ZNF584: variants seen among roughly 807,000 people sequenced by gnomAD.
ZNF584 encodes zinc finger protein 584.
A neutral mutation model predicts 14.7 loss-of-function variants in ZNF584; 12 were observed. That is an observed-to-expected ratio of 0.82 (90% CI 0.52 to 1.32). ZNF584 has a LOEUF of 1.32. Ranked by LOEUF, ZNF584 falls within the 40% of genes most tolerant of loss-of-function variation. The pLI, the probability that ZNF584 is intolerant of heterozygous loss-of-function variation, is 0.00. For synonymous variants in ZNF584, 204 were observed against 190.9 expected (o/e 1.07, Z -0.57); for missense variants, 478 against 518.8 (o/e 0.92, Z 0.76).
chr19:58,417,532 T>G lies in ZNF584; in HGVS notation c.1014T>G (p.Arg338=). ...AATGTGGGAAAGGCTACGTGACCCG[T>G]TCAGGCCTCTATCAGCACTGGAAAG... The part of the protein sequence containing the change: ...CKQCGKGYVT[R]SGLYQHWKVH... Residue 338 remains arginine (R), a synonymous_variant, in exon 4 of 4, where the codon CGT becomes CGG. Transcript: ENST00000306910. The G allele has an allele frequency of 6.2e-7, 1 of 1,614,184 alleles. No homozygotes were observed.
Position 58,409,165 on chromosome 19 carries a change from G to T in ZNF584, c.18G>T (p.Glu6Asp). The T allele has an allele frequency of 7.0e-7, 1 of 1,438,048 alleles. No individual in the cohort carries two copies. Among genetic ancestry groups the T allele is most frequent in the Non-Finnish European group, 9.2e-7 (1 of 1,088,032 alleles). 89.1% of individuals were successfully genotyped at this position (1,438,048 alleles called of 1,614,324 possible). MAGEAEAQLDPSLQGL... is the reference protein window; with the variant it reads MAGEADAQLDPSLQGL... ...ACGGTCCAATGGCCGGGGAGGCGGA[G>T]GTGAGCAGAGGATGCCTCCGAGGAA... is the stretch of plus-strand genomic sequence containing the variant. Residue 6 changes from glutamate to aspartate, a missense_variant and splice_region_variant, in exon 1 of 4, where the codon GAG becomes GAT. Physicochemically the swap from Glu to Asp is conservative, Grantham distance 45. This residue lies in a region of ZNF584 where 189 missense variants were observed against 177.9 expected (regional missense o/e 1.06). Coordinates refer to ENST00000306910, the MANE Select transcript of ZNF584 (RefSeq NM_173548.3).
chr19:58,415,815 T>G lies in ZNF584; in HGVS notation c.292+169T>G, dbSNP rs1210126270. 2.5e-6 allele frequency: 4 copies of G among 1,604,556 alleles called. No homozygotes were observed. In the East Asian group the frequency reaches 8.9e-5, roughly 36 times the overall value. On this transcript the variant is annotated intron_variant, in intron 3 of 3. Coordinates refer to ENST00000306910, the MANE Select transcript of ZNF584 (RefSeq NM_173548.3). ...CAGTCTGCCATCTCTACCATGATTT[T>G]CAGGCCCCGCATGTTCCTGCCTCTC...
chr19:58,411,988 T>G (rs1018185399), intron 2 of ZNF584, among the ~76,000 whole-genome samples: 3 of 145,016 alleles, frequency 2.1e-5, no homozygotes, highest in Non-Finnish European at 4.5e-5. Flanking sequence ...TTTTTTTTTT[T>G]TTTTTTTTTT....
At chr19:58,401,601 G>A (rs2052431280) in exon 1 of ZNF584, 1 of 152,212 alleles carries the variant, frequency 6.6e-6, no homozygotes. Context: ...AGGAAAGGCT[G>A]CGGCGCGCAG....
intron 3 of ZNF584, 76 bp from the exon 4 acceptor site, chr19:58,416,735 G>C: frequency 6.7e-7 from 1 of 1,498,094 alleles, no homozygotes. Context: ...TTCTGGGTGT[G>C]TCTGACATGC....
At chr19:58,409,851 T>A in intron 1 of ZNF584, 90 bp from the exon 2 acceptor site, 1 of 1,498,348 alleles carries the variant, frequency 6.7e-7, no homozygotes. Flanking sequence ...GGGGGAGATG[T>A]GATAGGACCC....
chr19:58,408,363 T>A, upstream of ZNF584: 1 of 152,262 alleles, frequency 6.6e-6, no homozygotes, highest in Non-Finnish European at 1.5e-5. Context: ...CTAGGACGCG[T>A]ACAGGTCACT....
At chr19:58,409,271 G>C (rs758174686) in intron 1 of ZNF584, 106 bp downstream of exon 1, 2 of 1,273,002 alleles carry the variant, frequency 1.6e-6, no homozygotes, top group Non-Finnish European at 2.0e-6. Flanking sequence ...TGATTCCAGG[G>C]GGAGGTCTTT....
intron 2 of ZNF584, among the ~76,000 whole-genome samples, chr19:58,410,777 A>ATTTTTTTTTT (rs1491122996): frequency 1.2e-4 from 1 of 8,070 alleles, no homozygotes; most frequent in African/African-American, 3.6e-4. Context: ...ATATATATAT[A>ATTTTTTTTTT]ATTTTTTTTT....
intron 2 of ZNF584, among the ~76,000 whole-genome samples, chr19:58,412,197 G>GCCTTTTTTTTTTT (rs1225346355): frequency 1.0e-5 from 1 of 97,974 alleles, no homozygotes; most frequent in African/African-American, 5.6e-5. Flanking sequence ...GGCCAGGGTG[G>GCCTTTTTTTTTTT]TCTTTTTTTT....
intron 1 of ZNF584, 79 bp downstream of exon 1, chr19:58,409,244 G>T: frequency 3.0e-6 from 4 of 1,353,426 alleles, no homozygotes; most frequent in Non-Finnish European, 1.9e-6. Context: ...GTTGGAGGAG[G>T]GCAGGAGATC....
intron 2 of ZNF584, among the ~76,000 whole-genome samples, chr19:58,411,464 T>G (rs1306248785): frequency 1.3e-5 from 2 of 149,338 alleles, no homozygotes; most frequent in African/African-American, 4.9e-5. Context: ...AGGTGGAGGT[T>G]GCAGTGAGCT....
rs372304121 is a variant in ZNF584 at position 58,415,579 on chromosome 19, G to T, written c.225G>T (p.Ser75=). The T allele has an allele frequency of 1.9e-6, 3 of 1,614,144 alleles. No individual in the cohort carries two copies. In the East Asian group the frequency reaches 6.7e-5, roughly 36 times the overall value. ...CCCAGCTGGAGGATGATGAACAGTCGTGGGTGCCCAGCTGGGTGGATGTGA... is the reference window on the plus strand; with the variant it reads ...CCCAGCTGGAGGATGATGAACAGTCTTGGGTGCCCAGCTGGGTGGATGTGA... ...VFTQLEDDEQ[S]WVPSWVDVTP... The change falls in exon 3 of 4, where the codon TCG becomes TCT. Residue 75 remains serine, a synonymous_variant. Coordinates refer to ENST00000306910, the MANE Select transcript of ZNF584 (RefSeq NM_173548.3).
At chr19:58,415,841 T>A in intron 3 of ZNF584, 195 bp downstream of exon 3, 1 of 1,601,170 alleles carries the variant, frequency 6.2e-7, no homozygotes, top group Non-Finnish European at 8.5e-7. Context: ...CCTGCCTCTC[T>A]GGCCTGCGTC....
chr19:58,414,211 A>G (rs2052611804), intron 2 of ZNF584, among the ~76,000 whole-genome samples: 1 of 151,986 alleles, frequency 6.6e-6, no homozygotes, highest in Non-Finnish European at 1.5e-5. Flanking sequence ...TGTTTTGTTT[A>G]AATTCCTTAA....
chr19:58,414,234 C>T (rs1020744156), intron 2 of ZNF584, among the ~76,000 whole-genome samples: 2 of 152,100 alleles, frequency 1.3e-5, no homozygotes, highest in African/African-American at 2.4e-5. Flanking sequence ...TTGTGAGTTT[C>T]CTAAATTTCT....
At chr19:58,412,783 G>T (rs1320843336) in intron 2 of ZNF584, among the ~76,000 whole-genome samples, 1 of 152,164 alleles carries the variant, frequency 6.6e-6, no homozygotes, top group African/African-American at 2.4e-5. Context: ...GCTTGGGGTT[G>T]TGTGTGTTTT....
intron 2 of ZNF584, among the ~76,000 whole-genome samples, chr19:58,414,506 T>A (rs1430264107): frequency 1.1e-5 from 1 of 94,062 alleles, no homozygotes; most frequent in East Asian, 3.6e-4. Context: ...GCCCGGGTAA[T>A]TTTTTTTTTG....
intron 2 of ZNF584, among the ~76,000 whole-genome samples, chr19:58,410,777 A>ATTT (rs1491122996): frequency 3.7e-4 from 3 of 8,076 alleles, no homozygotes; most frequent in Non-Finnish European, 6.6e-4. Context: ...ATATATATAT[A>ATTT]ATTTTTTTTT....
Sources: gnomAD v4.1 joint callset for allele counts (sites outside exome capture counted in the v4.1 genomes callset) on GRCh38, gnomAD v4.1.1 for gene constraint, gnomAD v4.1.1 regional missense constraint, MANE v1.5 for transcripts, NCBI Gene and HGNC (gene_info 2026-07-23, HGNC 2026-07-21) for gene names.